Variants in PRKG1 observed in about 807,000 individuals in gnomAD.
The protein encoded by PRKG1 is cGMP-dependent protein kinase 1.
In PRKG1, 35 loss-of-function variants were observed where a neutral mutation model predicts 88.1. That is an observed-to-expected ratio of 0.40 (90% CI 0.30 to 0.53). The LOEUF (loss-of-function observed/expected upper bound fraction) is 0.53, where lower values mean the gene tolerates loss of function less well. Among genes scored for constraint, PRKG1 ranks in the 20% least tolerant of loss-of-function variants. The probability of loss-of-function intolerance (pLI) is 0.59; values close to 1 mark genes in which losing one functional copy is unlikely to be tolerated. For synonymous variants in PRKG1, 303 were observed against 292.5 expected, an observed-to-expected ratio of 1.04 and a Z score of -0.37; for missense variants, 540 against 839.8, an observed-to-expected ratio of 0.64 and a Z score of 4.41.
At chr10:51,576,099 T>C (rs1837878174) in intron 3 of PRKG1, among the ~76,000 whole-genome samples, 1 of 151,950 alleles carries the variant, frequency 6.6e-6, no homozygotes, top group Non-Finnish European at 1.5e-5. Context: ...TCACAGATAA[T>C]AAAATGGCAG....
chr10:51,676,478 A>T (rs1840715211), intron 3 of PRKG1, among the ~76,000 whole-genome samples: 1 of 151,792 alleles, frequency 6.6e-6, no homozygotes, highest in African/African-American at 2.4e-5. Flanking sequence ...AAAAAAAAAA[A>T]TAGTATTTCA....
intron 9 of PRKG1, among the ~76,000 whole-genome samples, chr10:52,199,496 G>C (rs979297590): frequency 2.0e-5 from 3 of 152,066 alleles, no homozygotes; most frequent in Non-Finnish European, 4.4e-5. Flanking sequence ...AACTGTGTTT[G>C]TTTATATTTT....
intron 3 of PRKG1, among the ~76,000 whole-genome samples, chr10:51,800,125 G>A (rs547677721): frequency 6.6e-6 from 1 of 152,120 alleles, no homozygotes; most frequent in South Asian, 2.1e-4. Context: ...AAATCATACT[G>A]TGGTTTGTTG....
chr10:51,343,809 T>C (rs1842053538), intron 2 of PRKG1, among the ~76,000 whole-genome samples: 1 of 152,168 alleles, frequency 6.6e-6, no homozygotes, highest in South Asian at 2.1e-4. Context: ...CAGGGAATAA[T>C]AGAGCCAAAT....
chr10:52,088,131 T>C (rs949628219), intron 7 of PRKG1, among the ~76,000 whole-genome samples: 1 of 152,154 alleles, frequency 6.6e-6, no homozygotes, highest in Non-Finnish European at 1.5e-5. Context: ...GATTAACCTT[T>C]ATATATGCAT....
chr10:51,042,911 A>G (rs1174156309), intron 1 of PRKG1, among the ~76,000 whole-genome samples: 1 of 152,266 alleles, frequency 6.6e-6, no homozygotes, highest in South Asian at 2.1e-4. Context: ...TGAAGGTGCA[A>G]TGAAAAGATG....
intron 2 of PRKG1, among the ~76,000 whole-genome samples, chr10:51,375,703 T>C (rs991114671): frequency 1.3e-5 from 2 of 152,084 alleles, no homozygotes; most frequent in African/African-American, 4.8e-5. Flanking sequence ...TACAATCTAC[T>C]GGAGAAAGGC....
chr10:51,057,059 G>T (rs1314536689), intron 1 of PRKG1, among the ~76,000 whole-genome samples: 1 of 152,186 alleles, frequency 6.6e-6, no homozygotes, highest in African/African-American at 2.4e-5. Flanking sequence ...CATTTAGTAA[G>T]TTCTTTTATT....
At chr10:51,202,203 A>T (rs1837930255) in intron 2 of PRKG1, among the ~76,000 whole-genome samples, 1 of 152,198 alleles carries the variant, frequency 6.6e-6, no homozygotes, top group South Asian at 2.1e-4. Context: ...CAGCCCAGAG[A>T]TGCATGGGAA....
At chr10:51,089,960 T>G (rs1844358203) in intron 1 of PRKG1, among the ~76,000 whole-genome samples, 1 of 152,168 alleles carries the variant, frequency 6.6e-6, no homozygotes, top group Non-Finnish European at 1.5e-5. Context: ...CTCCTGTGAT[T>G]CAGCAATGCA....
At chr10:52,045,687 G>C (rs1205895404) in intron 5 of PRKG1, among the ~76,000 whole-genome samples, 3 of 151,960 alleles carry the variant, frequency 2.0e-5, no homozygotes, top group Non-Finnish European at 4.4e-5. Context: ...AGAAGTCTTA[G>C]ATAACTATAC....
intron 2 of PRKG1, among the ~76,000 whole-genome samples, chr10:51,227,740 C>A (rs1238223898): frequency 6.6e-6 from 1 of 152,072 alleles, no homozygotes; most frequent in Non-Finnish European, 1.5e-5. Context: ...AAACATGAAC[C>A]AAGAGGCACA....
chr10:51,744,385 G>T (rs1837524338), intron 3 of PRKG1, among the ~76,000 whole-genome samples: 1 of 152,100 alleles, frequency 6.6e-6, no homozygotes, highest in Non-Finnish European at 1.5e-5. Context: ...ATAGGCCTGT[G>T]GACCAGTCCA....
intron 3 of PRKG1, among the ~76,000 whole-genome samples, chr10:51,582,203 TCTATAATA>T (rs1271852801): frequency 6.6e-6 from 1 of 152,196 alleles, no homozygotes; most frequent in Non-Finnish European, 1.5e-5. Context: ...GAATGACTAA[TCTATAATA>T]TTCTCTTCTC....
intron 2 of PRKG1, among the ~76,000 whole-genome samples, chr10:51,309,233 T>C (rs1841117888): frequency 6.6e-6 from 1 of 152,154 alleles, no homozygotes; most frequent in Non-Finnish European, 1.5e-5. Context: ...CCAACACAAG[T>C]GTCTTTCAAA....
chr10:52,056,227 G>C (rs1020073410), intron 6 of PRKG1, among the ~76,000 whole-genome samples: 30 of 152,142 alleles, frequency 2.0e-4, no homozygotes, highest in African/African-American at 7.0e-4. Flanking sequence ...ATCATTTATT[G>C]TCTTATTGTT....
chr10:51,628,010 CTTTCTTTCTTTCTTTCTT>C (rs1839404845), intron 3 of PRKG1, among the ~76,000 whole-genome samples: 1 of 78,270 alleles, frequency 1.3e-5, no homozygotes, highest in African/African-American at 5.0e-5. Context: ...CTCTCTCTCT[CTTTCTTTCTTTCTTTCTT>C]TCTTTCTTTC....
intron 3 of PRKG1, among the ~76,000 whole-genome samples, chr10:51,736,004 C>T (rs1224713140): frequency 6.8e-6 from 1 of 147,172 alleles, no homozygotes; most frequent in African/African-American, 2.5e-5. Context: ...ACAATGCTCC[C>T]ACCTCAGCCT....
chr10:51,759,774 ATG>A lies in PRKG1; in HGVS notation c.593-44795_593-44794del, dbSNP rs371763530. ...TCAGTTTTGGTGTGTGCATGTGTGTATGTGTGTGTGTGTGTGTTTGTGTGTGT... is the reference window on the plus strand; with the variant it reads ...TCAGTTTTGGTGTGTGCATGTGTGTATGTGTGTGTGTGTGTTTGTGTGTGT... On this transcript the variant is annotated intron_variant, in intron 3 of 17. Transcript: ENST00000373980. Among the ~76,000 whole-genome samples, 148 of 150,540 alleles carry A rather than the reference ATG, an allele frequency of 9.8e-4. No homozygotes were observed. In the East Asian group the frequency reaches 0.014, roughly 14 times the overall value.
Sources: allele counts gnomAD v4.1 joint callset (sites outside exome capture counted in the v4.1 genomes callset), GRCh38; gene constraint gnomAD v4.1.1; transcripts MANE v1.5; gene names NCBI Gene and HGNC (gene_info 2026-07-23, HGNC 2026-07-21).